Variants in IGF1 observed in about 807,000 individuals in gnomAD.
IGF1 encodes insulin-like growth factor 1.
Under a neutral mutation model 13.8 loss-of-function variants are expected in IGF1, and 4 were observed. That is an observed-to-expected ratio of 0.29 (90% CI 0.14 to 0.66). The LOEUF is 0.66. Among genes scored for constraint, IGF1 ranks in the 30% least tolerant of loss-of-function variants. The probability of loss-of-function intolerance (pLI) is 0.78; values close to 1 mark genes in which losing one functional copy is unlikely to be tolerated. For synonymous variants in IGF1, 76 were observed against 72.6 expected (o/e 1.05, Z -0.23); for missense variants, 124 against 188.5 (o/e 0.66, Z 2.00).
intron 2 of IGF1, among the ~76,000 whole-genome samples, chr12:102,424,763 C>G (rs550382578): frequency 2.6e-5 from 4 of 152,116 alleles, no homozygotes; most frequent in Non-Finnish European, 5.9e-5. Flanking sequence ...TCATAAATTT[C>G]TAATATAAGG....
intron 2 of IGF1, among the ~76,000 whole-genome samples, chr12:102,437,855 G>A (rs1877379756): frequency 6.6e-6 from 1 of 152,198 alleles, no homozygotes; most frequent in Non-Finnish European, 1.5e-5. Flanking sequence ...CACAATGTAT[G>A]CATGTATCAG....
At chr12:102,454,027 C>T (rs1879174407) in intron 2 of IGF1, among the ~76,000 whole-genome samples, 1 of 152,178 alleles carries the variant, frequency 6.6e-6, no homozygotes, top group African/African-American at 2.4e-5. Context: ...TATAGATGTG[C>T]CAACCTATCT....
rs1340240746 is a variant in IGF1, at chr12:102,419,579, G to T, written c.332C>A (p.Pro111His). 6.2e-7 allele frequency: 1 copy of T among 1,613,802 alleles called. No individual in the cohort carries two copies. The highest frequency in any genetic ancestry group is 8.5e-7 in the Non-Finnish European group (1 of 1,180,022). ...GCGAGCTGACTTGGCAGGCTTGAGG[G>T]GTGCGCAATACATCTCCAGCCTCCT... is the stretch of plus-strand genomic sequence containing the variant. ...DLRRLEMYCA[P>H]LKPAKSARSV... The change falls in exon 3 of 4, where the codon CCC (proline) becomes CAC (histidine). Residue 111 changes from proline (P) to histidine (H), a missense_variant. Pro to His is a moderately conservative substitution (Grantham distance 77, BLOSUM62 -2). Around this residue, in one of 2 missense-constraint regions of IGF1, gnomAD observed 99 missense variants for 171.4 expected, o/e 0.58. Transcript: ENST00000337514.
Position 102,419,641 on chromosome 12 carries a change from G to A in IGF1, c.270C>T (p.Gly90=), listed in dbSNP as rs1168661959. The A allele has an allele frequency of 6.2e-7, 1 of 1,613,494 alleles. No individual in the cohort carries two copies. The highest frequency in any genetic ancestry group is 8.5e-7 in the Non-Finnish European group (1 of 1,180,006). Residue 90 remains glycine, a synonymous_variant, in exon 3 of 4, where the codon GGC becomes GGT. Transcript: ENST00000337514. ...GSSSRRAPQT[G]IVDECCFRSC... ...TCCGGAAGCAGCACTCATCCACGAT[G>A]CCTGTCTGAGGCGCCCTCCGACTGC... is the stretch of plus-strand genomic sequence containing the variant.
intron 1 of IGF1, among the ~76,000 whole-genome samples, chr12:102,478,172 G>T (rs953571529): frequency 6.6e-6 from 1 of 151,512 alleles, no homozygotes; most frequent in East Asian, 1.9e-4. Flanking sequence ...AACTTGCTTA[G>T]GAGTTTAAAG....
chr12:102,424,603 A>G (rs1876034498), intron 2 of IGF1, among the ~76,000 whole-genome samples: 1 of 152,198 alleles, frequency 6.6e-6, no homozygotes, highest in South Asian at 2.1e-4. Context: ...TGCATGAGAT[A>G]CTAGTAGGAA....
At chr12:102,432,744 G>A (rs111564443) in intron 2 of IGF1, among the ~76,000 whole-genome samples, 1 of 152,184 alleles carries the variant, frequency 6.6e-6, no homozygotes, top group Non-Finnish European at 1.5e-5. Flanking sequence ...TTGATGACAA[G>A]GGACTCTGGT....
At chr12:102,469,306 A>G (rs956018313) in intron 2 of IGF1, among the ~76,000 whole-genome samples, 1 of 152,198 alleles carries the variant, frequency 6.6e-6, no homozygotes, top group Non-Finnish European at 1.5e-5. Flanking sequence ...GGTCTTTGAG[A>G]AAGACCAATT....
At chr12:102,453,409 G>A (rs1879127285) in intron 2 of IGF1, among the ~76,000 whole-genome samples, 1 of 152,138 alleles carries the variant, frequency 6.6e-6, no homozygotes, top group South Asian at 2.1e-4. Flanking sequence ...GTGGCCTCCG[G>A]TATTCAATTA....
rs1880254451 is a variant in IGF1, at chr12:102,465,753, A to G, written c.220+9890T>C. Among the ~76,000 whole-genome samples, 4 of 152,130 alleles carry G rather than the reference A, an allele frequency of 2.6e-5. No individual in the cohort carries two copies. The South Asian group carries it at 8.3e-4, about 31-fold the overall frequency. ...GGAGTTCGAGACCAACCAGGCCAAC[A>G]TGGTGAAACCCCGTCTCTACTAAAA... On this transcript the variant is annotated intron_variant, in intron 2 of 3. Transcript: ENST00000337514.
In IGF1 at chr12:102,423,926, A is replaced by G. The variant is rs563852931; in HGVS notation, c.221-4236T>C. ...TGGCAAAAATGGTACTACCTCCTCT[A>G]CTGATGCTGCATAAGTTTGTGTTTC... On this transcript the variant is annotated intron_variant, in intron 2 of 3. Transcript: ENST00000337514. Among the ~76,000 whole-genome samples, 3 of 152,256 alleles carry G rather than the reference A, an allele frequency of 2.0e-5. No individual in the cohort carries two copies. The South Asian group carries it at 6.2e-4, about 32-fold the overall frequency.
chr12:102,422,515 T>C (rs1326309869), intron 2 of IGF1, among the ~76,000 whole-genome samples: 1 of 152,182 alleles, frequency 6.6e-6, no homozygotes, highest in Non-Finnish European at 1.5e-5. Flanking sequence ...TTCTCGCCAA[T>C]TGAAAGATCA....
In IGF1 at chr12:102,475,756, G is replaced by T; in HGVS notation, c.107C>A (p.Ala36Glu). The T allele has an allele frequency of 6.2e-7, 1 of 1,614,172 alleles. No individual in the cohort carries two copies. The highest frequency in any genetic ancestry group is 8.5e-7 in the Non-Finnish European group (1 of 1,180,028). ...GCTGGTGAAGGTGAGCAGGCACAGC[G>T]CCAGGTAGAAGAGATGCGAGGAGGA... ...TMSSSHLFYL[A>E]LCLLTFTSSA... is the part of the protein sequence containing the mutation. The change falls in exon 2 of 4, where the codon GCG becomes GAG. Residue 36 changes from alanine (A) to glutamate (E), a missense_variant. By Grantham distance (107) the Ala-to-Glu change is moderately radical. Coordinates refer to ENST00000337514, the MANE Select transcript of IGF1 (RefSeq NM_000618.5).
chr12:102,468,853 G>A (rs1880497982), intron 2 of IGF1, among the ~76,000 whole-genome samples: 1 of 152,220 alleles, frequency 6.6e-6, no homozygotes, highest in African/African-American at 2.4e-5. Flanking sequence ...ACATCTCCTT[G>A]GGAGAGACCT....
At chr12:102,438,697 G>C (rs1444046971) in intron 2 of IGF1, among the ~76,000 whole-genome samples, 1 of 152,172 alleles carries the variant, frequency 6.6e-6, no homozygotes, top group Admixed American at 6.6e-5. Flanking sequence ...CAATTACTGA[G>C]TAACAAGGCA....
At chr12:102,428,138 A>T (rs1158350430) in intron 2 of IGF1, among the ~76,000 whole-genome samples, 1 of 149,978 alleles carries the variant, frequency 6.7e-6, no homozygotes, top group East Asian at 2.0e-4. Flanking sequence ...TCTCATGTAA[A>T]CAACCAAATG....
At chr12:102,458,811 C>T (rs899033949) in intron 2 of IGF1, among the ~76,000 whole-genome samples, 27 of 145,610 alleles carry the variant, frequency 1.9e-4, no homozygotes, top group African/African-American at 3.6e-4. Flanking sequence ...AGAGGGTTGA[C>T]ATCTGGTAGA....
At chr12:102,440,365 T>C (rs1197145189) in intron 2 of IGF1, among the ~76,000 whole-genome samples, 1 of 152,148 alleles carries the variant, frequency 6.6e-6, no homozygotes, top group Non-Finnish European at 1.5e-5. Context: ...GTGGATTCAG[T>C]TGGAGATAGC....
chr12:102,407,453 A>T (rs905294733), intron 3 of IGF1, among the ~76,000 whole-genome samples: 10 of 152,206 alleles, frequency 6.6e-5, no homozygotes, highest in Non-Finnish European at 1.5e-5. Context: ...TCTCTCAGGG[A>T]TAAGTACTAC....
Sources: allele counts gnomAD v4.1 joint callset (sites outside exome capture counted in the v4.1 genomes callset), GRCh38; gene constraint gnomAD v4.1.1; regional missense constraint gnomAD v4.1.1; transcripts MANE v1.5; gene names NCBI Gene and HGNC (gene_info 2026-07-23, HGNC 2026-07-21).